CDH2: variants seen among roughly 807,000 people sequenced by gnomAD.
CDH2 encodes cadherin-2.
CDH2 carries 17 observed loss-of-function variants against 92.0 expected under a neutral mutation model. The ratio of observed to expected loss-of-function variants is 0.18; its 90% CI spans 0.13 to 0.28. The LOEUF (loss-of-function observed/expected upper bound fraction) is 0.28. Among genes scored for constraint, CDH2 ranks in the 10% least tolerant of loss-of-function variants. The probability of loss-of-function intolerance (pLI) is 1.00; values close to 1 mark genes in which losing one functional copy is unlikely to be tolerated. For missense variants in CDH2, 862 were observed against 1,133.1 expected, an observed-to-expected ratio of 0.76 and a Z score of 3.44; for synonymous variants, 419 against 415.9, an observed-to-expected ratio of 1.01 and a Z score of -0.09.
At chr18:28,091,532 T>C (rs772953782) in intron 2 of CDH2, among the ~76,000 whole-genome samples, 1 of 152,206 alleles carries the variant, frequency 6.6e-6, no homozygotes, top group Non-Finnish European at 1.5e-5. Context: ...AATATTTTGA[T>C]GGGAATAAAG....
At chr18:28,157,410 C>A (rs562372710) in intron 1 of CDH2, among the ~76,000 whole-genome samples, 1 of 152,292 alleles carries the variant, frequency 6.6e-6, no homozygotes, top group East Asian at 1.9e-4. Context: ...TGCAATATAT[C>A]TTAAATAGTC....
At chr18:28,008,451 T>A (rs1000507104) in intron 5 of CDH2, among the ~76,000 whole-genome samples, 1 of 152,178 alleles carries the variant, frequency 6.6e-6, no homozygotes, top group African/African-American at 2.4e-5. Flanking sequence ...ATTTTAAATT[T>A]CTCATATGCT....
chr18:27,977,007 G>A (rs936773272), intron 14 of CDH2, among the ~76,000 whole-genome samples: 2 of 152,142 alleles, frequency 1.3e-5, no homozygotes, highest in Non-Finnish European at 1.5e-5. Flanking sequence ...CATTGAAAGC[G>A]ATACCGTATC....
In CDH2 at chr18:27,979,131, T is replaced by C. The variant is rs1202280052; in HGVS notation, c.2349+3813A>G. On this transcript the variant is annotated intron_variant, in intron 14 of 15. Coordinates refer to ENST00000269141, the MANE Select transcript of CDH2 (RefSeq NM_001792.5). ...ATATTTATCTAACAAGGAACACATATCTATAATCTATAAGGACCTCCTACA... is the reference window on the plus strand; with the variant it reads ...ATATTTATCTAACAAGGAACACATACCTATAATCTATAAGGACCTCCTACA... Among the ~76,000 whole-genome samples, 5 of 152,164 alleles carry C rather than the reference T, an allele frequency of 3.3e-5. No individual in the cohort carries two copies. In the East Asian group the frequency reaches 9.7e-4, roughly 29 times the overall value.
chr18:28,090,703 A>T (rs1567994530), intron 2 of CDH2, among the ~76,000 whole-genome samples: 1 of 152,220 alleles, frequency 6.6e-6, no homozygotes, highest in Non-Finnish European at 1.5e-5. Flanking sequence ...GGTAGATAAG[A>T]ACTCAATGAA....
At chr18:28,020,560 C>A (rs1267671522) in intron 2 of CDH2, among the ~76,000 whole-genome samples, 1 of 151,940 alleles carries the variant, frequency 6.6e-6, no homozygotes, top group African/African-American at 2.4e-5. Flanking sequence ...TTATGAATGG[C>A]AGGTACAGAA....
intron 2 of CDH2, among the ~76,000 whole-genome samples, chr18:28,095,194 G>A (rs750638277): frequency 6.6e-6 from 1 of 152,024 alleles, no homozygotes; most frequent in Non-Finnish European, 1.5e-5. Context: ...ATAAAGCTTC[G>A]GAGAGTATTC....
intron 14 of CDH2, among the ~76,000 whole-genome samples, chr18:27,978,614 G>T (rs569325677): frequency 1.4e-5 from 2 of 145,356 alleles, no homozygotes; most frequent in Admixed American, 6.7e-5. Context: ...ATGTAGTTGG[G>T]GGGGGGGATT....
At chr18:28,151,298 T>G (rs545559783) in intron 1 of CDH2, among the ~76,000 whole-genome samples, 1 of 152,350 alleles carries the variant, frequency 6.6e-6, no homozygotes, top group African/African-American at 2.4e-5. Flanking sequence ...AGACACATTT[T>G]TAGCTGTCAC....
chr18:28,002,777 A>G (rs927112599), intron 7 of CDH2, among the ~76,000 whole-genome samples: 1 of 152,202 alleles, frequency 6.6e-6, no homozygotes, highest in South Asian at 2.1e-4. Context: ...GTGTCACATT[A>G]AAAACTACAT....
At chr18:28,057,239 T>G (rs1350822427) in intron 2 of CDH2, among the ~76,000 whole-genome samples, 1 of 152,172 alleles carries the variant, frequency 6.6e-6, no homozygotes, top group East Asian at 1.9e-4. Context: ...ATGAAGAAAC[T>G]GATTTGTTTT....
At chr18:28,027,332 A>T (rs376362043) in intron 2 of CDH2, among the ~76,000 whole-genome samples, 19 of 152,236 alleles carry the variant, frequency 1.2e-4, no homozygotes, top group African/African-American at 3.4e-4. Context: ...AAAATTTTCA[A>T]ATTACTACAA....
Position 27,999,825 on chromosome 18 carries a change from T to C in CDH2, c.1020+3172A>G, listed in dbSNP as rs115951878. 6.1e-3 allele frequency among the ~76,000 whole-genome samples: 924 copies of C among 151,978 alleles called. 10 individuals are homozygous for C. The highest frequency in any genetic ancestry group is 0.02 in the African/African-American group (837 of 41,432). ...TGAATTGTAATCCTCATAATACCCA[T>C]GTGTCAAGGGCGGAACCGGGTGGAG... is the stretch of plus-strand genomic sequence containing the variant. On this transcript the variant is annotated intron_variant, in intron 7 of 15. Coordinates refer to ENST00000269141, the MANE Select transcript of CDH2 (RefSeq NM_001792.5).
chr18:28,094,491 AAAAAC>A (rs1424061919), intron 2 of CDH2, among the ~76,000 whole-genome samples: 1 of 151,774 alleles, frequency 6.6e-6, no homozygotes, highest in Middle Eastern at 3.4e-3. Context: ...CTGTCCTTAA[AAAAAC>A]AAAACAAAAC....
At chr18:28,032,804 C>T (rs918454279) in intron 2 of CDH2, among the ~76,000 whole-genome samples, 2 of 151,992 alleles carry the variant, frequency 1.3e-5, no homozygotes, top group Non-Finnish European at 2.9e-5. Context: ...CTGGGAAGCA[C>T]CCATTCCATT....
At chr18:28,100,585 C>T (rs2144231651) in intron 2 of CDH2, among the ~76,000 whole-genome samples, 1 of 152,304 alleles carries the variant, frequency 6.6e-6, no homozygotes, top group African/African-American at 2.4e-5. Context: ...GTATACCATG[C>T]TGGGCTACCA....
intron 1 of CDH2, among the ~76,000 whole-genome samples, chr18:28,167,119 TAG>T (rs954009338): frequency 2.6e-5 from 4 of 152,038 alleles, no homozygotes; most frequent in African/African-American, 7.2e-5. Context: ...CTGAAAAGAT[TAG>T]AGTCTGTTAA....
chr18:28,160,118 G>A (rs2016283952), intron 1 of CDH2, among the ~76,000 whole-genome samples: 1 of 151,744 alleles, frequency 6.6e-6, no homozygotes, highest in Non-Finnish European at 1.5e-5. Context: ...CTTATCTCCA[G>A]GAAAATGATA....
chr18:28,095,582 C>T (rs2015117510), intron 2 of CDH2, among the ~76,000 whole-genome samples: 2 of 151,918 alleles, frequency 1.3e-5, no homozygotes, highest in Non-Finnish European at 2.9e-5. Flanking sequence ...CTTTGGGAGG[C>T]CAAGGCGGGC....
Sources: allele counts gnomAD v4.1 joint callset (sites outside exome capture counted in the v4.1 genomes callset), GRCh38; gene constraint gnomAD v4.1.1; transcripts MANE v1.5; gene names NCBI Gene and HGNC (gene_info 2026-07-23, HGNC 2026-07-21).